Variants in AP2A2 observed in about 807,000 individuals in gnomAD.
The protein encoded by AP2A2 is AP-2 complex subunit alpha-2.
AP2A2 carries 32 observed loss-of-function variants against 104.2 expected under a neutral mutation model. The ratio of observed to expected loss-of-function variants is 0.31; its 90% CI spans 0.23 to 0.41. The LOEUF (loss-of-function observed/expected upper bound fraction) is 0.41, where lower values mean the gene tolerates loss of function less well. AP2A2 is among the 10% of genes least tolerant of loss of function. The pLI is 1.00. For synonymous variants in AP2A2, 539 were observed against 533.3 expected (o/e 1.01, Z -0.15); for missense variants, 912 against 1,261.0 (o/e 0.72, Z 4.19).
Position 984,739 on chromosome 11 carries a change from G to A in AP2A2, c.800G>A (p.Cys267Tyr). 1.2e-6 allele frequency: 2 copies of A among 1,611,258 alleles called. No homozygotes were observed. The highest frequency in any genetic ancestry group is 2.2e-5 in the South Asian group (2 of 91,040). Reference protein sequence around the residue: ...LSVKLLRLLQCYPPPDPAVRG... With the variant: ...LSVKLLRLLQYYPPPDPAVRG... ...GTCAAACTGCTGAGACTGCTGCAGT[G>A]CTACCCACCCCCAGGTAACGCGCAG... The change falls in exon 7 of 22, where the codon TGC becomes TAC. Residue 267 changes from cysteine (C) to tyrosine (Y), a missense_variant. By Grantham distance (194) the Cys-to-Tyr change is radical. This residue lies in a region of AP2A2 where 350 missense variants were observed against 487.0 expected (regional missense o/e 0.72). Coordinates refer to ENST00000448903, the MANE Select transcript of AP2A2 (RefSeq NM_012305.4).
At chr11:980,073 G>A (rs1254564443) in intron 5 of AP2A2, among the ~76,000 whole-genome samples, 2 of 135,392 alleles carry the variant, frequency 1.5e-5, no homozygotes, top group Admixed American at 7.5e-5. Context: ...CAGGCTGCCC[G>A]GTGCCGTGTC....
In AP2A2 at chr11:986,861, C is replaced by T; in HGVS notation, c.1039C>T (p.Leu347=). 2 of 1,611,936 alleles carry T rather than the reference C, an allele frequency of 1.2e-6. No individual in the cohort carries two copies. Among genetic ancestry groups the T allele is most frequent in the African/African-American group, 1.3e-5 (1 of 75,014 alleles). The change falls in exon 9 of 22, where the codon CTG becomes TTG. Residue 347 remains leucine, a synonymous_variant. Coordinates refer to ENST00000448903, the MANE Select transcript of AP2A2 (RefSeq NM_012305.4). ...GCACCGCGAGACCAACCTGCGCTAC[C>T]TGGCCCTGGAGAGCATGTGCACGCT... The part of the protein sequence containing the change: ...LQHRETNLRY[L]ALESMCTLAS...
At chr11:997,279 G>A (rs1265096481) in intron 14 of AP2A2, among the ~76,000 whole-genome samples, 1 of 152,232 alleles carries the variant, frequency 6.6e-6, no homozygotes, top group Non-Finnish European at 1.5e-5. Context: ...CGTGTCCCCG[G>A]GTGTGCTGGG....
intron 8 of AP2A2, among the ~76,000 whole-genome samples, chr11:986,403 GCTCCCGGCCTT>G (rs1306734162): frequency 6.6e-6 from 1 of 152,238 alleles, no homozygotes; most frequent in Non-Finnish European, 1.5e-5. Context: ...CAGCAGCCGC[GCTCCCGGCCTT>G]CTCGGCCTTC....
intron 1 of AP2A2, among the ~76,000 whole-genome samples, chr11:954,693 T>C (rs1354848063): frequency 6.6e-6 from 1 of 151,246 alleles, no homozygotes; most frequent in Non-Finnish European, 1.5e-5. Context: ...TATTCATGTG[T>C]GTTTGTAAAT....
chr11:1,007,049 T>C lies in AP2A2; in HGVS notation c.2296+432T>C, dbSNP rs140341627. On this transcript the variant is annotated intron_variant, in intron 17 of 21. Transcript: ENST00000448903. ...GCTTGTGTGTGCTTCTGGCAGAGCT[T>C]TTAGACTGAAGATTTTCCCTTCGTA... is the stretch of plus-strand genomic sequence containing the variant. The C allele has an allele frequency of 5.8e-3, 918 of 159,608 alleles. 10 individuals carry two copies. The highest frequency in any genetic ancestry group is 0.02 in the African/African-American group (853 of 41,780). The allele number at this position is 159,608 out of a possible 1,614,324, so 9.9% of individuals were successfully genotyped here. A position where few individuals can be genotyped will look rare whatever the true frequency, so the allele number is the denominator to read the frequency against.
chr11:994,457 G>T (rs575968782), intron 14 of AP2A2, among the ~76,000 whole-genome samples: 4 of 146,304 alleles, frequency 2.7e-5, no homozygotes, highest in African/African-American at 7.6e-5. Context: ...CCTGCTGGAC[G>T]CCACGCTGTC....
At chr11:970,423 C>T in intron 3 of AP2A2, 112 bp downstream of exon 3, 1 of 1,375,562 alleles carries the variant, frequency 7.3e-7, no homozygotes, top group Non-Finnish European at 9.9e-7. Context: ...CTGACGTGAG[C>T]CACGTGGGTC....
chr11:935,490 C>CA (rs1368224228), intron 1 of AP2A2, among the ~76,000 whole-genome samples: 1 of 151,692 alleles, frequency 6.6e-6, no homozygotes, highest in Non-Finnish European at 1.5e-5. Context: ...TTAGTAGAGA[C>CA]AGAGTTTCGC....
Position 984,732 on chromosome 11 carries a change from C to T in AP2A2, c.793C>T (p.Leu265=). Residue 265 remains leucine (L), a synonymous_variant, in exon 7 of 22, where the codon CTG becomes TTG. Coordinates refer to ENST00000448903, the MANE Select transcript of AP2A2 (RefSeq NM_012305.4). ...GCTGTCTGTCAAACTGCTGAGACTG[C>T]TGCAGTGCTACCCACCCCCAGGTAA... ...PWLSVKLLRL[L]QCYPPPDPAV... 6.2e-7 allele frequency: 1 copy of T among 1,612,598 alleles called. No homozygotes were observed. The highest frequency in any genetic ancestry group is 8.5e-7 in the Non-Finnish European group (1 of 1,179,212).
intron 16 of AP2A2, 77 bp downstream of exon 16, chr11:1,003,881 A>G: frequency 1.1e-6 from 1 of 939,388 alleles, no homozygotes; most frequent in Non-Finnish European, 1.6e-6. Context: ...CAAATCATAT[A>G]CTTATAAGGG....
In AP2A2 at chr11:925,940, C is replaced by A. The variant is rs547071397; in HGVS notation, c.-82C>A. On this transcript the variant is annotated 5_prime_UTR_variant, in exon 1 of 22. Coordinates refer to ENST00000448903, the MANE Select transcript of AP2A2 (RefSeq NM_012305.4). ...CCCGGCGGCTCCTCCGCGGCGGTGACGGCGACCGCACTCCCCGCTTCCCGC... is the reference window on the plus strand; with the variant it reads ...CCCGGCGGCTCCTCCGCGGCGGTGAAGGCGACCGCACTCCCCGCTTCCCGC... 1,064 of 1,112,654 alleles carry A rather than the reference C, an allele frequency of 9.6e-4. 4 individuals are homozygous for A. The African/African-American group carries it at 0.016, about 17-fold the overall frequency. The allele number at this position is 1,112,654 out of a possible 1,614,324, so 68.9% of individuals were successfully genotyped here. A position where few individuals can be genotyped will look rare whatever the true frequency, so the allele number is the denominator to read the frequency against.
chr11:970,610 A>C (rs1008900114), intron 3 of AP2A2, among the ~76,000 whole-genome samples: 9 of 152,234 alleles, frequency 5.9e-5, no homozygotes, highest in African/African-American at 9.6e-5. Flanking sequence ...CTTTCTTTGC[A>C]ACCTCCCTTA....
intron 5 of AP2A2, 33 bp downstream of exon 5, chr11:977,257 C>A: frequency 6.5e-7 from 1 of 1,549,498 alleles, no homozygotes; most frequent in Non-Finnish European, 8.7e-7. Context: ...CTCCCCGCTC[C>A]CCCAGGTGAC....
intron 5 of AP2A2, among the ~76,000 whole-genome samples, chr11:977,922 C>T (rs1855105413): frequency 6.6e-6 from 1 of 152,180 alleles, no homozygotes; most frequent in African/African-American, 2.4e-5. Flanking sequence ...TGCCACTTTC[C>T]CATGTTGCCG....
rs1275342441 is a variant in AP2A2 at position 939,623 on chromosome 11, T to G, written c.67+13535T>G. 2.6e-5 allele frequency among the ~76,000 whole-genome samples: 4 copies of G among 152,128 alleles called. No individual in the cohort carries two copies. In the East Asian group the frequency reaches 7.8e-4, roughly 29 times the overall value. ...CACTCCCGGCTAATTTTTTGTATTTTTATTAGAGACGGAGTTTCACCATGT... is the reference window on the plus strand; with the variant it reads ...CACTCCCGGCTAATTTTTTGTATTTGTATTAGAGACGGAGTTTCACCATGT... On this transcript the variant is annotated intron_variant, in intron 1 of 21. Coordinates refer to ENST00000448903, the MANE Select transcript of AP2A2 (RefSeq NM_012305.4).
chr11:959,298 G>A, intron 1 of AP2A2, 139 bp from the exon 2 acceptor site: 1 of 655,914 alleles, frequency 1.5e-6, no homozygotes, highest in Non-Finnish European at 2.7e-6. Context: ...GTTGGAGGCA[G>A]GTGTCTGCTT....
rs181738334 is a variant in AP2A2 at position 984,596 on chromosome 11, T to C, written c.706-49T>C. On this transcript the variant is annotated intron_variant, in intron 6 of 21. Coordinates refer to ENST00000448903, the MANE Select transcript of AP2A2 (RefSeq NM_012305.4). ...ATGGCTTTTCTTTGGGTCCCCGCAG[T>C]AGGGGCTCGTGTCCGGCAGCGTGTC... 3.9e-3 allele frequency: 5,790 copies of C among 1,478,434 alleles called. 21 individuals are homozygous for C. The highest frequency in any genetic ancestry group is 4.9e-3 in the Non-Finnish European group (5,183 of 1,058,946). The allele number at this position is 1,478,434 out of a possible 1,614,324, so 91.6% of individuals were successfully genotyped here.
chr11:950,540 G>A (rs1854018154), intron 1 of AP2A2, among the ~76,000 whole-genome samples: 1 of 151,924 alleles, frequency 6.6e-6, no homozygotes, highest in Non-Finnish European at 1.5e-5. Flanking sequence ...GCTTGCCTCG[G>A]CTTCCCAAAG....
Sources: gnomAD v4.1 joint callset for allele counts (sites outside exome capture counted in the v4.1 genomes callset) on GRCh38, gnomAD v4.1.1 for gene constraint, gnomAD v4.1.1 regional missense constraint, MANE v1.5 for transcripts, NCBI Gene and HGNC (gene_info 2026-07-23, HGNC 2026-07-21) for gene names.